The following THSD7A variants were observed in gnomAD, a reference collection of about 807,000 sequenced individuals.
THSD7A encodes thrombospondin type 1 domain containing 7A, also known as thrombospondin type-1 domain-containing protein 7A.
THSD7A carries 96 observed loss-of-function variants against 231.3 expected under a neutral mutation model. The ratio of observed to expected loss-of-function variants is 0.41; its 90% CI spans 0.35 to 0.49. The LOEUF is 0.49. Among genes scored for constraint, THSD7A ranks in the 20% least tolerant of loss-of-function variants. The pLI, the probability that THSD7A is intolerant of heterozygous loss-of-function variation, is 0.05. For missense variants in THSD7A, 2,290 were observed against 2,070.2 expected (o/e 1.11, Z -2.06); for synonymous variants, 940 against 743.3 (o/e 1.26, Z -4.30).
chr7:11,683,120 CAAAA>C (rs71027424), intron 1 of THSD7A, among the ~76,000 whole-genome samples: 1 of 99,620 alleles, frequency 1.0e-5, no homozygotes. Context: ...GACTCCATCT[CAAAA>C]AAAAAAAAAA....
At chr7:11,574,521 A>G (rs1224076006) in intron 4 of THSD7A, among the ~76,000 whole-genome samples, 1 of 143,072 alleles carries the variant, frequency 7.0e-6, no homozygotes, top group Non-Finnish European at 1.5e-5. Flanking sequence ...TGCAAGCTCC[A>G]CCTCCCGGGT....
At chr7:11,453,125 T>C (rs866892990) in intron 11 of THSD7A, among the ~76,000 whole-genome samples, 7 of 151,878 alleles carry the variant, frequency 4.6e-5, no homozygotes, top group African/African-American at 1.7e-4. Flanking sequence ...GCCTCTAAAA[T>C]GTAACCTTTA....
At chr7:11,754,294 C>T (rs868141608) in intron 1 of THSD7A, among the ~76,000 whole-genome samples, 29 of 151,782 alleles carry the variant, frequency 1.9e-4, no homozygotes, top group African/African-American at 6.5e-4. Flanking sequence ...AGTGAGAACT[C>T]GAGGTAAGAG....
intron 1 of THSD7A, among the ~76,000 whole-genome samples, chr7:11,745,359 G>A (rs1303590119): frequency 1.3e-5 from 2 of 151,698 alleles, no homozygotes; most frequent in African/African-American, 2.4e-5. Context: ...AGTCAGATGA[G>A]TAGATTGCAA....
chr7:11,689,811 TAA>T (rs35668623), intron 1 of THSD7A, among the ~76,000 whole-genome samples: 14 of 129,468 alleles, frequency 1.1e-4, no homozygotes, highest in Non-Finnish European at 1.3e-4. Flanking sequence ...TGGAATTAGT[TAA>T]AAAAAAAAAA....
At chr7:11,802,857 G>C (rs1270909976) in intron 1 of THSD7A, among the ~76,000 whole-genome samples, 1 of 151,974 alleles carries the variant, frequency 6.6e-6, no homozygotes, top group Non-Finnish European at 1.5e-5. Context: ...GTGAAGTTCC[G>C]TGCTATGTTA....
intron 6 of THSD7A, among the ~76,000 whole-genome samples, chr7:11,504,529 T>TA (rs1447537471): frequency 6.6e-6 from 1 of 152,178 alleles, no homozygotes; most frequent in Non-Finnish European, 1.5e-5. Flanking sequence ...ATTCCTTTTT[T>TA]AAAAAATGAC....
chr7:11,499,760 A>G (rs1787255478), intron 6 of THSD7A, among the ~76,000 whole-genome samples: 1 of 152,254 alleles, frequency 6.6e-6, no homozygotes, highest in African/African-American at 2.4e-5. Flanking sequence ...CAGTCAGACA[A>G]AAATAAAGAA....
chr7:11,587,277 C>T (rs1779947459), intron 4 of THSD7A, among the ~76,000 whole-genome samples: 1 of 152,186 alleles, frequency 6.6e-6, no homozygotes, highest in Non-Finnish European at 1.5e-5. Context: ...CCAGCATAAG[C>T]TGGACATTCT....
At chr7:11,691,381 T>C (rs1002634165) in intron 1 of THSD7A, among the ~76,000 whole-genome samples, 2 of 151,424 alleles carry the variant, frequency 1.3e-5, no homozygotes, top group Non-Finnish European at 3.0e-5. Context: ...ACAATAGAGA[T>C]ATTTAACCTG....
intron 2 of THSD7A, among the ~76,000 whole-genome samples, chr7:11,630,249 A>C (rs139419760): frequency 0.011 from 1,680 of 152,334 alleles, 12 homozygotes; most frequent in East Asian, 0.038. Flanking sequence ...GTTGAGAAAA[A>C]ATACAATTTT....
chr7:11,606,934 G>C (rs1780751102), intron 2 of THSD7A, among the ~76,000 whole-genome samples: 1 of 151,886 alleles, frequency 6.6e-6, no homozygotes, highest in South Asian at 2.1e-4. Flanking sequence ...CATGCAAACT[G>C]TTACTGTAAC....
At chr7:11,639,778 T>C (rs941028207) in intron 1 of THSD7A, among the ~76,000 whole-genome samples, 3 of 152,178 alleles carry the variant, frequency 2.0e-5, no homozygotes, top group African/African-American at 7.2e-5. Flanking sequence ...TGACTTCAAG[T>C]CTATATGTTA....
At chr7:11,602,015 T>C (rs1206025542) in intron 2 of THSD7A, among the ~76,000 whole-genome samples, 2 of 152,182 alleles carry the variant, frequency 1.3e-5, no homozygotes, top group Non-Finnish European at 2.9e-5. Context: ...TTAGAGCAAC[T>C]GCTTTTTTAG....
chr7:11,689,481 G>A (rs930018022), intron 1 of THSD7A, among the ~76,000 whole-genome samples: 2 of 151,726 alleles, frequency 1.3e-5, no homozygotes, highest in South Asian at 4.1e-4. Context: ...TTGAAAGAAA[G>A]AGTCCATACT....
At chr7:11,602,682 G>A (rs891615435) in intron 2 of THSD7A, among the ~76,000 whole-genome samples, 4 of 151,754 alleles carry the variant, frequency 2.6e-5, no homozygotes, top group African/African-American at 7.3e-5. Context: ...TGAAGGCCTC[G>A]GTCTGATTCC....
chr7:11,630,216 C>G (rs1781604911), intron 2 of THSD7A, among the ~76,000 whole-genome samples: 1 of 152,022 alleles, frequency 6.6e-6, no homozygotes, highest in Non-Finnish European at 1.5e-5. Context: ...AAAATAAGAA[C>G]CAGGCAAAAA....
rs1783823986 is a variant in THSD7A, at chr7:11,412,639, G to C, written c.3682+17C>G. ...GGATTTGGACTTAACTCCGTGATCA[G>C]ATGATGATCCATGTACCTGTTACAT... On this transcript the variant is annotated intron_variant, in intron 18 of 27. Transcript: ENST00000423059. The C allele has an allele frequency of 1.9e-6, 3 of 1,613,428 alleles. No individual in the cohort carries two copies. Among genetic ancestry groups the C allele is most frequent in the African/African-American group, 2.7e-5 (2 of 75,038 alleles).
chr7:11,800,310 A>C (rs1562564855), intron 1 of THSD7A, among the ~76,000 whole-genome samples: 1 of 152,150 alleles, frequency 6.6e-6, no homozygotes, highest in Non-Finnish European at 1.5e-5. Context: ...GCACTTTTGG[A>C]GGCCGAGGTG....
Sources: allele counts gnomAD v4.1 joint callset (sites outside exome capture counted in the v4.1 genomes callset), GRCh38; gene constraint gnomAD v4.1.1; transcripts MANE v1.5; gene names NCBI Gene and HGNC (gene_info 2026-07-23, HGNC 2026-07-21).